The following BOLL variants were observed in gnomAD, a reference collection of about 807,000 sequenced individuals.
BOLL encodes the protein boule RNA binding protein, also known as protein boule-like.
Under a neutral mutation model 44.4 loss-of-function variants are expected in BOLL, and 23 were observed. The observed-to-expected ratio is 0.52, with a 90% CI of 0.37 to 0.73. The LOEUF (loss-of-function observed/expected upper bound fraction) is 0.73, where lower values mean the gene tolerates loss of function less well. Ranked by LOEUF, BOLL falls within the 30% of genes least tolerant of loss-of-function variation. BOLL has a pLI of 0.00. For synonymous variants in BOLL, 97 were observed against 110.8 expected (o/e 0.88, Z 0.78); for missense variants, 287 against 338.3 (o/e 0.85, Z 1.19).
chr2:197,728,504 G>A lies in BOLL; in HGVS notation c.*51C>T, dbSNP rs1343787109. 2 of 1,614,018 alleles carry A rather than the reference G, an allele frequency of 1.2e-6. No individual in the cohort carries two copies. Among genetic ancestry groups the A allele is most frequent in the South Asian group, 2.2e-5 (2 of 91,068 alleles). On this transcript the variant is annotated 3_prime_UTR_variant, in exon 11 of 11. Coordinates refer to ENST00000392296, the MANE Select transcript of BOLL (RefSeq NM_033030.6). ...TTGAAGCTGGATCTCGGCCACGCAA[G>A]GATCATTGGACAAGAAATCAGTTGA...
At chr2:197,777,185 T>A in intron 3 of BOLL, 72 bp from the exon 4 acceptor site, 1 of 1,107,398 alleles carries the variant, frequency 9.0e-7, no homozygotes, top group South Asian at 2.1e-5. Flanking sequence ...TTAAAATGTT[T>A]AAAAATTTTG....
In BOLL at chr2:197,727,648, T is replaced by A. The variant is rs1256162549; in HGVS notation, c.*907A>T. ...TTAATCACATATATAATTGAATATA[T>A]TGGTTGCATATCAGAAGAAAAGGTT... is the stretch of plus-strand genomic sequence containing the variant. On this transcript the variant is annotated 3_prime_UTR_variant, in exon 11 of 11. Coordinates refer to ENST00000392296, the MANE Select transcript of BOLL (RefSeq NM_033030.6). The A allele has an allele frequency of 6.6e-6, 1 of 152,302 alleles. No homozygotes were observed. The highest frequency in any genetic ancestry group is 1.5e-5 in the Non-Finnish European group (1 of 68,038). The allele number at this position is 152,302 out of a possible 1,614,324, so 9.4% of individuals were successfully genotyped here.
intron 9 of BOLL, 64 bp from the exon 10 acceptor site, chr2:197,743,223 C>A (rs1038285132): frequency 1.8e-5 from 22 of 1,200,274 alleles, no homozygotes; most frequent in Non-Finnish European, 2.6e-5. Flanking sequence ...ATTTACTCAG[C>A]ATTTACAATA....
chr2:197,781,859 A>G lies in BOLL; in HGVS notation c.-9T>C. The G allele has an allele frequency of 1.3e-6, 2 of 1,587,880 alleles. No homozygotes were observed. The highest frequency in any genetic ancestry group is 8.6e-7 in the Non-Finnish European group (1 of 1,162,424). On this transcript the variant is annotated 5_prime_UTR_variant, in exon 2 of 11. Transcript: ENST00000392296. Reference sequence around the variant, plus strand: ...AATGAATCTGTTTGCATCTGGTTTGATGTTTGCTGTAAAATAAAATTCTTT... The same window carrying G: ...AATGAATCTGTTTGCATCTGGTTTGGTGTTTGCTGTAAAATAAAATTCTTT...
chr2:197,777,339 CT>C (rs1300815619), intron 3 of BOLL, among the ~76,000 whole-genome samples: 4 of 151,814 alleles, frequency 2.6e-5, no homozygotes, highest in African/African-American at 9.7e-5. Context: ...CTTGAAACAG[CT>C]TCAGCTCTCA....
chr2:197,766,384 G>A (rs1012612540), intron 7 of BOLL, 148 bp downstream of exon 7: 31 of 702,246 alleles, frequency 4.4e-5, no homozygotes, highest in Non-Finnish European at 4.2e-5. Flanking sequence ...GTGTGAGATG[G>A]TATATCAATG....
rs577603308 is a variant in BOLL at position 197,735,988 on chromosome 2, C to G, written c.828+7073G>C. ...CATGGTTTGTCAGTGATCTTCACTT[C>G]AAGGATTTAAGAGACCATCGAACTT... On this transcript the variant is annotated intron_variant, in intron 10 of 10. Coordinates refer to ENST00000392296, the MANE Select transcript of BOLL (RefSeq NM_033030.6). Among the ~76,000 whole-genome samples, 192 of 152,108 alleles carry G rather than the reference C, an allele frequency of 1.3e-3. 2 individuals are homozygous for G. The highest frequency in any genetic ancestry group is 2.1e-3 in the Admixed American group (32 of 15,260).
At chr2:197,747,321 C>T (rs997431751) in intron 9 of BOLL, among the ~76,000 whole-genome samples, 10 of 151,846 alleles carry the variant, frequency 6.6e-5, no homozygotes, top group African/African-American at 9.7e-5. Context: ...CAGTGGCTCA[C>T]GCCTGTAATC....
intron 7 of BOLL, among the ~76,000 whole-genome samples, chr2:197,761,828 C>A (rs1232646981): frequency 6.6e-6 from 1 of 152,046 alleles, no homozygotes; most frequent in African/African-American, 2.4e-5. Context: ...AAACCAACTT[C>A]AAGTTAAAAG....
chr2:197,734,726 G>A (rs988522447), intron 10 of BOLL, among the ~76,000 whole-genome samples: 18 of 152,024 alleles, frequency 1.2e-4, no homozygotes, highest in Admixed American at 1.2e-3. Flanking sequence ...ACCAAACACC[G>A]CATGTTCTCA....
intron 9 of BOLL, among the ~76,000 whole-genome samples, chr2:197,751,834 C>G (rs1336304750): frequency 7.0e-6 from 1 of 141,856 alleles, no homozygotes; most frequent in Non-Finnish European, 1.5e-5. Context: ...CTGTCAGAAA[C>G]CAACAAAAAA....
chr2:197,731,276 T>C (rs1392210200), intron 10 of BOLL, among the ~76,000 whole-genome samples: 3 of 150,790 alleles, frequency 2.0e-5, no homozygotes, highest in African/African-American at 7.4e-5. Flanking sequence ...ATCCTAAATA[T>C]ATATGCACCC....
chr2:197,759,050 C>G, intron 7 of BOLL: 1 of 1,447,532 alleles, frequency 6.9e-7, no homozygotes, highest in Non-Finnish European at 9.4e-7. Context: ...GATGGCTGAC[C>G]AGAGATGCCT....
intron 7 of BOLL, among the ~76,000 whole-genome samples, chr2:197,763,479 TAA>T (rs34230740): frequency 1.3e-4 from 16 of 127,596 alleles, no homozygotes; most frequent in African/African-American, 1.8e-4. Flanking sequence ...GAGTCCGTCT[TAA>T]AAAAAAAAAA....
intron 7 of BOLL, among the ~76,000 whole-genome samples, chr2:197,762,085 C>T (rs910922489): frequency 2.6e-5 from 4 of 152,182 alleles, no homozygotes; most frequent in African/African-American, 9.7e-5. Flanking sequence ...GTGGCTCACA[C>T]CTGTAGTGCC....
intron 10 of BOLL, among the ~76,000 whole-genome samples, chr2:197,731,919 G>A (rs928032437): frequency 4.7e-5 from 7 of 150,356 alleles, no homozygotes; most frequent in Admixed American, 2.6e-4. Context: ...AAAAGCAAGA[G>A]CAAACACATT....
chr2:197,761,830 A>C (rs1688771354), intron 7 of BOLL, among the ~76,000 whole-genome samples: 1 of 152,226 alleles, frequency 6.6e-6, no homozygotes, highest in South Asian at 2.1e-4. Context: ...ACCAACTTCA[A>C]GTTAAAAGTT....
At chr2:197,743,286 T>A in intron 9 of BOLL, 127 bp from the exon 10 acceptor site, 1 of 548,892 alleles carries the variant, frequency 1.8e-6, no homozygotes, top group South Asian at 4.4e-5. Context: ...CATGCCCTTA[T>A]GTTTAATTAA....
In BOLL at chr2:197,727,816, T is replaced by C. The variant is rs1280701868; in HGVS notation, c.*739A>G. Reference sequence around the variant, plus strand: ...ATTTGATACCAAATAAATTATGTTATAGGAAGATTTCAATATTGTCTCAAA... The same window carrying C: ...ATTTGATACCAAATAAATTATGTTACAGGAAGATTTCAATATTGTCTCAAA... On this transcript the variant is annotated 3_prime_UTR_variant, in exon 11 of 11. Coordinates refer to ENST00000392296, the MANE Select transcript of BOLL (RefSeq NM_033030.6). 1.3e-5 allele frequency: 2 copies of C among 152,276 alleles called. No individual in the cohort carries two copies. The highest frequency in any genetic ancestry group is 4.8e-5 in the African/African-American group (2 of 41,438). 9.4% of individuals were successfully genotyped at this position (152,276 alleles called of 1,614,324 possible).
Sources: allele counts gnomAD v4.1 joint callset (sites outside exome capture counted in the v4.1 genomes callset), GRCh38; gene constraint gnomAD v4.1.1; transcripts MANE v1.5; gene names NCBI Gene and HGNC (gene_info 2026-07-23, HGNC 2026-07-21).